LARP1B: variants seen among roughly 807,000 people sequenced by gnomAD.
The protein encoded by LARP1B is la-related protein 1B.
Under a neutral mutation model 114.2 loss-of-function variants are expected in LARP1B, and 76 were observed. That is an observed-to-expected ratio of 0.67 (90% CI 0.55 to 0.81). The LOEUF is 0.81. Among genes scored for constraint, LARP1B ranks in the 30% least tolerant of loss-of-function variants. The pLI is 0.00. For missense variants in LARP1B, 1,014 were observed against 1,075.8 expected, an observed-to-expected ratio of 0.94 and a Z score of 0.80; for synonymous variants, 345 against 348.0, an observed-to-expected ratio of 0.99 and a Z score of 0.10.
At chr4:128,063,427 C>CAAAAAAAAAAA (rs763868048) in intron 1 of LARP1B, among the ~76,000 whole-genome samples, 1 of 13,210 alleles carries the variant, frequency 7.6e-5, no homozygotes, top group African/African-American at 2.0e-4. Context: ...GACCCACTCT[C>CAAAAAAAAAAA]AAAAAAAAAA....
At chr4:128,096,087 G>A (rs1401647457) in intron 7 of LARP1B, among the ~76,000 whole-genome samples, 2 of 147,248 alleles carry the variant, frequency 1.4e-5, no homozygotes. Flanking sequence ...TCCGCCTCCC[G>A]GGTTCACACC....
intron 11 of LARP1B, chr4:128,123,708 A>T (rs1390612732): frequency 1.0e-6 from 1 of 966,622 alleles, no homozygotes; most frequent in Admixed American, 6.2e-5. Flanking sequence ...TTATGCATTA[A>T]CCAAAGGAAC....
chr4:128,109,379 A>G (rs1281344241), intron 9 of LARP1B, among the ~76,000 whole-genome samples: 2 of 152,198 alleles, frequency 1.3e-5, no homozygotes, highest in African/African-American at 4.8e-5. Flanking sequence ...ATGGTAAAAT[A>G]TTCTAACATA....
chr4:128,089,655 C>G (rs1775101158), intron 5 of LARP1B, among the ~76,000 whole-genome samples: 1 of 151,974 alleles, frequency 6.6e-6, no homozygotes, highest in African/African-American at 2.4e-5. Context: ...CCTTTTTAAA[C>G]TTTGTCAACA....
At chr4:128,220,933 G>A (rs769568389) in intron 7 of LARP1B, among the ~76,000 whole-genome samples, 1 of 152,198 alleles carries the variant, frequency 6.6e-6, no homozygotes, top group Non-Finnish European at 1.5e-5. Flanking sequence ...CCAGTAGTCT[G>A]GCTTCAGAGC....
chr4:128,089,784 T>TA (rs547468241), intron 5 of LARP1B, among the ~76,000 whole-genome samples: 136 of 152,050 alleles, frequency 8.9e-4, no homozygotes, highest in African/African-American at 3.2e-3. Flanking sequence ...CTTTTTTTTT[T>TA]ATTCTGAGAC....
At chr4:128,166,970 CTA>C (rs71593507) in intron 12 of LARP1B, among the ~76,000 whole-genome samples, 1,591 of 77,654 alleles carry the variant, frequency 0.02, 19 homozygotes, top group Admixed American at 0.026. Context: ...CTCTCTCTCT[CTA>C]TATATATATA....
chr4:128,171,968 G>A (rs1247750397), intron 12 of LARP1B, among the ~76,000 whole-genome samples: 2 of 151,252 alleles, frequency 1.3e-5, no homozygotes, highest in Admixed American at 1.3e-4. Flanking sequence ...ATGTGCCTTG[G>A]TATGGAGTTC....
intron 7 of LARP1B, among the ~76,000 whole-genome samples, chr4:128,097,099 TA>T: frequency 6.6e-6 from 1 of 151,300 alleles, no homozygotes; most frequent in Non-Finnish European, 1.5e-5. Flanking sequence ...GGTTTCCCCA[TA>T]TTGGTTACGC....
chr4:128,066,165 C>CTTTTTTTTTTT (rs59927866), intron 1 of LARP1B, among the ~76,000 whole-genome samples: 333 of 99,138 alleles, frequency 3.4e-3, no homozygotes, highest in Non-Finnish European at 3.8e-3. Flanking sequence ...TTTCTTTCTT[C>CTTTTTTTTTTT]TTTTTTTTTT....
chr4:128,119,986 C>T (rs1021442366), intron 10 of LARP1B, among the ~76,000 whole-genome samples: 1 of 152,078 alleles, frequency 6.6e-6, no homozygotes, highest in African/African-American at 2.4e-5. Context: ...TATCATGTAC[C>T]TGCAAATGTG....
chr4:128,189,013 G>A (rs1301867763), intron 15 of LARP1B, among the ~76,000 whole-genome samples: 1 of 152,086 alleles, frequency 6.6e-6, no homozygotes, highest in East Asian at 1.9e-4. Flanking sequence ...AGGTCCAGTT[G>A]GTCTAGGTGT....
At chr4:128,159,561 A>C (rs1737443036) in intron 11 of LARP1B, among the ~76,000 whole-genome samples, 1 of 152,220 alleles carries the variant, frequency 6.6e-6, no homozygotes, top group Non-Finnish European at 1.5e-5. Context: ...CTACACAAGC[A>C]TAGCCTCCCG....
intron 15 of LARP1B, among the ~76,000 whole-genome samples, chr4:128,196,690 A>G (rs890289609): frequency 8.6e-5 from 13 of 151,778 alleles, no homozygotes; most frequent in African/African-American, 2.7e-4. Flanking sequence ...TACCAGCTAT[A>G]CCACTCTTAG....
intron 8 of LARP1B, among the ~76,000 whole-genome samples, chr4:128,106,051 A>C: frequency 6.6e-6 from 1 of 151,520 alleles, no homozygotes; most frequent in East Asian, 1.9e-4. Context: ...TTGAGATGGA[A>C]TCTTGCTCTG....
At chr4:128,118,132 C>T (rs1193443168) in intron 10 of LARP1B, among the ~76,000 whole-genome samples, 1 of 121,708 alleles carries the variant, frequency 8.2e-6, no homozygotes, top group Non-Finnish European at 1.6e-5. Context: ...CTCCTTGCTG[C>T]CCAGGCTAGT....
intron 11 of LARP1B, among the ~76,000 whole-genome samples, chr4:128,159,710 A>G (rs762118503): frequency 9.9e-5 from 15 of 152,190 alleles, no homozygotes; most frequent in Non-Finnish European, 1.9e-4. Flanking sequence ...GACTGAAAAT[A>G]CCACACATTG....
chr4:128,145,417 A>G (rs1183531877), intron 11 of LARP1B, among the ~76,000 whole-genome samples: 3 of 152,128 alleles, frequency 2.0e-5, no homozygotes, highest in Admixed American at 6.6e-5. Flanking sequence ...CCCCAGCACT[A>G]CTGGACCTTT....
At chr4:128,157,434 T>TTTG in intron 11 of LARP1B, among the ~76,000 whole-genome samples, 1 of 152,162 alleles carries the variant, frequency 6.6e-6, no homozygotes, top group Non-Finnish European at 1.5e-5. Context: ...GCGTAAGTAA[T>TTTG]ATTTGAAGAG....
Sources: gnomAD v4.1 joint callset for allele counts (sites outside exome capture counted in the v4.1 genomes callset) on GRCh38, gnomAD v4.1.1 for gene constraint, MANE v1.5 for transcripts, NCBI Gene and HGNC (gene_info 2026-07-23, HGNC 2026-07-21) for gene names.